The following WDSUB1 variants were observed in gnomAD, a reference collection of about 807,000 sequenced individuals.
WDSUB1 encodes WD repeat, sterile alpha motif and U-box domain containing 1.
A neutral mutation model predicts 53.9 loss-of-function variants in WDSUB1; 49 were observed. That is an observed-to-expected ratio of 0.91 (90% CI 0.72 to 1.15). The LOEUF is 1.15. Among genes scored for constraint, WDSUB1 ranks in the 50% most tolerant of loss-of-function variants. The pLI, the probability that WDSUB1 is intolerant of heterozygous loss-of-function variation, is 0.00. For synonymous variants in WDSUB1, 194 were observed against 200.6 expected, an observed-to-expected ratio of 0.97 and a Z score of 0.28; for missense variants, 514 against 562.0, an observed-to-expected ratio of 0.91 and a Z score of 0.86.
At chr2:159,258,033 G>A (rs539351211) in intron 6 of WDSUB1, 48 bp from the exon 7 acceptor site, 9 of 1,535,328 alleles carry the variant, frequency 5.9e-6, no homozygotes, top group Middle Eastern at 4.7e-4. Context: ...TAAGAGTAAA[G>A]TTACTGATGA....
In WDSUB1 at chr2:159,259,762, T is replaced by C. The variant is rs772301904; in HGVS notation, c.804+48A>G. 2.7e-6 allele frequency: 4 copies of C among 1,483,966 alleles called. No homozygotes were observed. In the South Asian group the frequency reaches 3.8e-5, roughly 14 times the overall value. 91.9% of individuals were successfully genotyped at this position (1,483,966 alleles called of 1,614,324 possible). A position where few individuals can be genotyped will look rare whatever the true frequency, so the allele number is the denominator to read the frequency against. On this transcript the variant is annotated intron_variant, in intron 6 of 10. Coordinates refer to ENST00000359774, the MANE Select transcript of WDSUB1 (RefSeq NM_001128212.3). Reference sequence around the variant, plus strand: ...AGGCCTAACTTGAAGTTCAGTAGTCTAATAAACATAACTTTCATAGATCAC... The same window carrying C: ...AGGCCTAACTTGAAGTTCAGTAGTCCAATAAACATAACTTTCATAGATCAC...
At chr2:159,252,984 A>G (rs1217412809) in intron 9 of WDSUB1, among the ~76,000 whole-genome samples, 1 of 152,212 alleles carries the variant, frequency 6.6e-6, no homozygotes, top group Non-Finnish European at 1.5e-5. Flanking sequence ...TTAAGTTTCT[A>G]TCATTTTATC....
intron 9 of WDSUB1, among the ~76,000 whole-genome samples, chr2:159,254,757 T>C (rs1436037957): frequency 6.6e-6 from 1 of 152,192 alleles, no homozygotes; most frequent in East Asian, 1.9e-4. Flanking sequence ...GATGCTAAAT[T>C]TGTGAGTTTT....
At chr2:159,246,823 T>C (rs1169632231) in intron 10 of WDSUB1, among the ~76,000 whole-genome samples, 1 of 152,190 alleles carries the variant, frequency 6.6e-6, no homozygotes, top group African/African-American at 2.4e-5. Context: ...TATAAATTAC[T>C]GATACTACAA....
intron 2 of WDSUB1, among the ~76,000 whole-genome samples, chr2:159,282,037 C>T (rs568064258): frequency 3.3e-5 from 5 of 150,370 alleles, no homozygotes; most frequent in Non-Finnish European, 7.4e-5. Flanking sequence ...AATTACTGAA[C>T]CTTCAAAATA....
At chr2:159,251,164 G>A (rs554331792) in intron 9 of WDSUB1, among the ~76,000 whole-genome samples, 1 of 120,118 alleles carries the variant, frequency 8.3e-6, no homozygotes, top group South Asian at 2.4e-4. Flanking sequence ...TCCTCAGGAG[G>A]CTGAGGCAGG....
chr2:159,270,057 T>C (rs2061419038), intron 5 of WDSUB1, among the ~76,000 whole-genome samples: 2 of 152,182 alleles, frequency 1.3e-5, no homozygotes, highest in African/African-American at 4.8e-5. Context: ...ACCATCATTA[T>C]CCACAAATGA....
chr2:159,262,989 C>A (rs770085590), intron 5 of WDSUB1, among the ~76,000 whole-genome samples: 114 of 152,170 alleles, frequency 7.5e-4, no homozygotes, highest in Non-Finnish European at 1.5e-3. Context: ...AGGTATTCAA[C>A]CTTTTGATAC....
At chr2:159,247,928 AATAT>A (rs58296878) in intron 10 of WDSUB1, among the ~76,000 whole-genome samples, 6 of 67,692 alleles carry the variant, frequency 8.9e-5, no homozygotes, top group South Asian at 4.7e-4. Context: ...TATATATATA[AATAT>A]ATATATATAT....
At chr2:159,247,896 T>TATATATATAA (rs1559531750) in intron 10 of WDSUB1, among the ~76,000 whole-genome samples, 5 of 53,986 alleles carry the variant, frequency 9.3e-5, no homozygotes, top group East Asian at 7.5e-4. Context: ...AATATATATA[T>TATATATATAA]ATATATATAT....
intron 10 of WDSUB1, among the ~76,000 whole-genome samples, chr2:159,247,942 TAAA>T (rs869232865): frequency 3.5e-5 from 3 of 86,264 alleles, no homozygotes; most frequent in African/African-American, 1.1e-4. Flanking sequence ...TATATATATA[TAAA>T]ATTTGGATTC....
intron 10 of WDSUB1, among the ~76,000 whole-genome samples, chr2:159,236,416 T>C (rs1001262400): frequency 2.0e-5 from 3 of 152,170 alleles, no homozygotes; most frequent in Non-Finnish European, 4.4e-5. Context: ...AGTAACATTA[T>C]AAACACTTTG....
intron 9 of WDSUB1, among the ~76,000 whole-genome samples, chr2:159,248,817 G>A (rs746246434): frequency 2.6e-5 from 4 of 152,100 alleles, no homozygotes; most frequent in Admixed American, 2.0e-4. Context: ...TATTGCCCAC[G>A]CTGGTCTCGA....
chr2:159,264,202 A>G (rs1252550373), intron 5 of WDSUB1, among the ~76,000 whole-genome samples: 1 of 152,220 alleles, frequency 6.6e-6, no homozygotes, highest in Admixed American at 6.5e-5. Flanking sequence ...TGGCTATTCA[A>G]ATTTCACTAA....
rs149922136 is a variant in WDSUB1, at chr2:159,282,926, A to T, written c.144T>A (p.Ser48=). Residue 48 remains serine, a synonymous_variant, in exon 2 of 11, where the codon TCT becomes TCA. Coordinates refer to ENST00000359774, the MANE Select transcript of WDSUB1 (RefSeq NM_001128212.3). ...SLRDFTELPH[S]PLKFHTYAVH... Reference sequence around the variant, plus strand: ...CAGCATAGGTATGAAACTTCAATGGAGAATGTGGCAGTTCAGTAAAGTCAC... The same window carrying T: ...CAGCATAGGTATGAAACTTCAATGGTGAATGTGGCAGTTCAGTAAAGTCAC... The T allele has an allele frequency of 2.8e-5, 45 of 1,614,078 alleles. No individual in the cohort carries two copies. The highest frequency in any genetic ancestry group is 3.7e-5 in the Non-Finnish European group (44 of 1,180,046).
At chr2:159,248,333 C>CA (rs771857701) in intron 10 of WDSUB1, 39 bp downstream of exon 10, 1 of 1,596,390 alleles carries the variant, frequency 6.3e-7, no homozygotes, top group Non-Finnish European at 8.5e-7. Context: ...TCATTTAGCA[C>CA]AAAACATCCC....
At position 159,261,872 on chromosome 2, in the gene WDSUB1, ATATATATATATATATATATATATATTT is replaced by A. The variant is rs1466424605; in HGVS notation, c.771-2056_771-2030del. Among the ~76,000 whole-genome samples, 97 of 14,084 alleles carry A rather than the reference ATATATATATATATATATATATATATTT, an allele frequency of 6.9e-3. 1 individual carries two copies. The highest frequency in any genetic ancestry group is 8.2e-3 in the South Asian group (3 of 368). The allele number at this position is 14,084 out of a possible 152,430, so 9.2% of individuals were successfully genotyped here. A position where few individuals can be genotyped will look rare whatever the true frequency, so the allele number is the denominator to read the frequency against. Reference sequence around the variant, plus strand: ...CATATATATATATATATATATATATATATATATATATATATATATATATATTTTTTTTTTTTTTTTTTTTTTTTTTTT... The same window carrying A: ...CATATATATATATATATATATATATATTTTTTTTTTTTTTTTTTTTTTTTT... On this transcript the variant is annotated intron_variant, in intron 5 of 10. Coordinates refer to ENST00000359774, the MANE Select transcript of WDSUB1 (RefSeq NM_001128212.3).
chr2:159,260,670 T>C (rs1242372111), intron 5 of WDSUB1, among the ~76,000 whole-genome samples: 1 of 152,226 alleles, frequency 6.6e-6, no homozygotes, highest in Non-Finnish European at 1.5e-5. Flanking sequence ...GGGGTTATGC[T>C]AGCAAAGAAA....
intron 4 of WDSUB1, among the ~76,000 whole-genome samples, chr2:159,273,634 G>A (rs1430641797): frequency 6.6e-6 from 1 of 152,020 alleles, no homozygotes; most frequent in East Asian, 1.9e-4. Context: ...TGGCCAGGCT[G>A]GTATCAAACT....
Sources: allele counts gnomAD v4.1 joint callset (sites outside exome capture counted in the v4.1 genomes callset), GRCh38; gene constraint gnomAD v4.1.1; transcripts MANE v1.5; gene names NCBI Gene and HGNC (gene_info 2026-07-23, HGNC 2026-07-21).